Variants in ANTXR2 observed in about 807,000 individuals in gnomAD.
The protein encoded by ANTXR2 is anthrax toxin receptor 2.
A neutral mutation model predicts 73.7 loss-of-function variants in ANTXR2; 44 were observed. The observed-to-expected ratio is 0.60, with a 90% CI of 0.47 to 0.77. ANTXR2 has a LOEUF of 0.77. ANTXR2 is among the 30% of genes least tolerant of loss of function. The pLI, the probability that ANTXR2 is intolerant of heterozygous loss-of-function variation, is 0.00. For synonymous variants in ANTXR2, 217 were observed against 205.9 expected (o/e 1.05, Z -0.46); for missense variants, 604 against 592.5 (o/e 1.02, Z -0.20).
At chr4:79,994,764 T>C (rs769494133) in intron 12 of ANTXR2, among the ~76,000 whole-genome samples, 1 of 152,006 alleles carries the variant, frequency 6.6e-6, no homozygotes, top group Admixed American at 6.6e-5. Flanking sequence ...CATAGTACCA[T>C]GGGAGGCATC....
chr4:80,053,207 T>C (rs1480586282), intron 7 of ANTXR2, among the ~76,000 whole-genome samples: 1 of 151,656 alleles, frequency 6.6e-6, no homozygotes, highest in Non-Finnish European at 1.5e-5. Flanking sequence ...AATCCAGCTA[T>C]AAAATTATTT....
At chr4:79,997,244 C>T (rs1730771987) in intron 12 of ANTXR2, among the ~76,000 whole-genome samples, 1 of 151,526 alleles carries the variant, frequency 6.6e-6, no homozygotes, top group Non-Finnish European at 1.5e-5. Context: ...GAACTGTCAA[C>T]ATTGAATTGC....
intron 16 of ANTXR2, among the ~76,000 whole-genome samples, chr4:79,951,901 C>T (rs1413941756): frequency 6.6e-6 from 1 of 152,020 alleles, no homozygotes; most frequent in Non-Finnish European, 1.5e-5. Flanking sequence ...TCTGTTACTT[C>T]CTTGAATTGA....
At chr4:79,983,306 C>T (rs1729966395) in intron 14 of ANTXR2, among the ~76,000 whole-genome samples, 2 of 151,952 alleles carry the variant, frequency 1.3e-5, no homozygotes, top group Admixed American at 1.3e-4. Context: ...TCTTATTTGA[C>T]TTTTAAGATA....
intron 3 of ANTXR2, among the ~76,000 whole-genome samples, chr4:80,057,511 G>A (rs187022468): frequency 6.6e-6 from 1 of 152,006 alleles, no homozygotes; most frequent in East Asian, 1.9e-4. Context: ...GGTAACAGAA[G>A]ACAATGTTCA....
intron 16 of ANTXR2, among the ~76,000 whole-genome samples, chr4:79,965,959 G>A (rs1486338662): frequency 6.6e-6 from 1 of 152,080 alleles, no homozygotes; most frequent in African/African-American, 2.4e-5. Context: ...TCAGTTCAAC[G>A]TTTTTCATTT....
intron 16 of ANTXR2, among the ~76,000 whole-genome samples, chr4:79,919,043 T>C (rs1382638192): frequency 6.6e-6 from 1 of 151,486 alleles, no homozygotes; most frequent in Non-Finnish European, 1.5e-5. Flanking sequence ...GATAGAGAAA[T>C]GGCTAAAAAG....
chr4:79,996,242 A>G (rs1255358125), intron 12 of ANTXR2, among the ~76,000 whole-genome samples: 2 of 151,904 alleles, frequency 1.3e-5, no homozygotes, highest in East Asian at 1.9e-4. Context: ...GAAAGGGTGC[A>G]GAAGAAAAAG....
chr4:79,966,692 GC>G (rs1729378977), intron 16 of ANTXR2, among the ~76,000 whole-genome samples: 1 of 152,036 alleles, frequency 6.6e-6, no homozygotes, highest in African/African-American at 2.4e-5. Context: ...TTATATCACT[GC>G]CCCATGCAAA....
chr4:79,989,663 G>A (rs1730370411), intron 12 of ANTXR2, among the ~76,000 whole-genome samples: 1 of 151,986 alleles, frequency 6.6e-6, no homozygotes, highest in Non-Finnish European at 1.5e-5. Context: ...AACAAAAGCT[G>A]TCAGAGATAC....
chr4:79,920,270 G>A (rs555161616), intron 16 of ANTXR2, among the ~76,000 whole-genome samples: 3 of 152,080 alleles, frequency 2.0e-5, no homozygotes, highest in South Asian at 4.2e-4. Context: ...ATGTGTCTGG[G>A]ACATATTATG....
intron 12 of ANTXR2, among the ~76,000 whole-genome samples, chr4:79,992,775 T>A (rs145487618): frequency 6.6e-6 from 1 of 152,102 alleles, no homozygotes; most frequent in South Asian, 2.1e-4. Context: ...ACCCTAACCA[T>A]CTTCATTTAA....
chr4:79,937,593 C>A (rs1305711346), intron 16 of ANTXR2, among the ~76,000 whole-genome samples: 1 of 152,142 alleles, frequency 6.6e-6, no homozygotes, highest in Non-Finnish European at 1.5e-5. Flanking sequence ...GTTATCTAAA[C>A]TAGAAATAAA....
chr4:79,986,227 C>G (rs1433702024), intron 12 of ANTXR2, among the ~76,000 whole-genome samples: 1 of 152,148 alleles, frequency 6.6e-6, no homozygotes, highest in Non-Finnish European at 1.5e-5. Context: ...TCAATGGCTT[C>G]AGCTACTTCA....
intron 16 of ANTXR2, among the ~76,000 whole-genome samples, chr4:79,920,027 T>A (rs1221729814): frequency 3.3e-5 from 5 of 150,924 alleles, no homozygotes; most frequent in Non-Finnish European, 7.4e-5. Flanking sequence ...TTCAGTAAAA[T>A]CCTTTAATGC....
rs1578136084 is a variant in ANTXR2 at position 79,990,762 on chromosome 4, CATGGTA to C, written c.1042-5905_1042-5900del. 8.6e-5 allele frequency among the ~76,000 whole-genome samples: 13 copies of C among 151,746 alleles called. No individual in the cohort carries two copies. In the East Asian group the frequency reaches 2.5e-3, roughly 29 times the overall value. On this transcript the variant is annotated intron_variant, in intron 12 of 16. Transcript: ENST00000403729. ...ACAAGGCTAGAGTACACCAAAGCAGCATGGTACTGCTGGAAAAGGTTAGATAACCCA... is the reference window on the plus strand; with the variant it reads ...ACAAGGCTAGAGTACACCAAAGCAGCCTGCTGGAAAAGGTTAGATAACCCA...
At chr4:79,955,613 A>G (rs776662266) in intron 16 of ANTXR2, among the ~76,000 whole-genome samples, 3 of 152,154 alleles carry the variant, frequency 2.0e-5, no homozygotes, top group Non-Finnish European at 4.4e-5. Context: ...TAGGAAAAAT[A>G]TCATATTCAT....
chr4:80,046,920 G>A (rs1733538945), intron 7 of ANTXR2, among the ~76,000 whole-genome samples: 1 of 151,662 alleles, frequency 6.6e-6, no homozygotes. Flanking sequence ...TCCTCATAAT[G>A]TACACCAAAT....
At position 80,031,626 on chromosome 4, in the gene ANTXR2, C is replaced by A; in HGVS notation, c.863G>T (p.Gly288Val). 1 of 1,511,676 alleles carries A rather than the reference C, an allele frequency of 6.6e-7. No homozygotes were observed. The highest frequency in any genetic ancestry group is 1.4e-5 in the South Asian group (1 of 71,766). 93.6% of individuals were successfully genotyped at this position (1,511,676 alleles called of 1,614,324 possible). A position where few individuals can be genotyped will look rare whatever the true frequency, so the allele number is the denominator to read the frequency against. ...LCPAPILNKA[G>V]ETLDVSVSFN... ...TTGTTTTAAATTAAGTACTTACTCTCCAGCTTTATTCAGGATAGGTGCAGG... is the reference window on the plus strand; with the variant it reads ...TTGTTTTAAATTAAGTACTTACTCTACAGCTTTATTCAGGATAGGTGCAGG... Residue 288 changes from glycine to valine, a missense_variant, in exon 10 of 17, where the codon GGA (glycine) becomes GTA (valine). By Grantham distance (109) the Gly-to-Val change is moderately radical. Coordinates refer to ENST00000403729, the MANE Select transcript of ANTXR2 (RefSeq NM_058172.6).
Sources: gnomAD v4.1 joint callset for allele counts (sites outside exome capture counted in the v4.1 genomes callset) on GRCh38, gnomAD v4.1.1 for gene constraint, MANE v1.5 for transcripts, NCBI Gene and HGNC (gene_info 2026-07-23, HGNC 2026-07-21) for gene names.